Variants in MAGI1 observed in about 807,000 individuals in gnomAD.
The protein encoded by MAGI1 is membrane-associated guanylate kinase, WW and PDZ domain-containing protein 1.
In MAGI1, 58 loss-of-function variants were observed where a neutral mutation model predicts 139.9. The observed-to-expected ratio is 0.41, with a 90% CI of 0.34 to 0.52. The LOEUF is 0.52. Ranked by LOEUF, MAGI1 falls within the 20% of genes least tolerant of loss-of-function variation. The pLI is 0.12. For missense variants in MAGI1, 1,874 were observed against 1,901.6 expected (o/e 0.99, Z 0.27); for synonymous variants, 812 against 737.9 (o/e 1.10, Z -1.63).
At chr3:65,907,313 G>A (rs2061479642) in intron 1 of MAGI1, among the ~76,000 whole-genome samples, 1 of 152,160 alleles carries the variant, frequency 6.6e-6, no homozygotes, top group Non-Finnish European at 1.5e-5. Context: ...GGGTGGATGA[G>A]ATTATCCTTT....
intron 1 of MAGI1, among the ~76,000 whole-genome samples, chr3:65,772,588 CTG>C: frequency 6.6e-6 from 1 of 152,334 alleles, no homozygotes; most frequent in African/African-American, 2.4e-5. Context: ...AGGCCAGGAG[CTG>C]CCACATGGAG....
intron 2 of MAGI1, chr3:65,597,925 T>TGGGGGGGGAGAGGGGGGGGGGGGGGG: frequency 2.5e-6 from 1 of 394,352 alleles, no homozygotes; most frequent in Non-Finnish European, 5.0e-6. Context: ...GAGGCGGGGG[T>TGGGGGGGGAGAGGGGGGGGGGGGGGG]GGGGGGGGGG....
chr3:65,943,226 T>C (rs1026006692), intron 1 of MAGI1, among the ~76,000 whole-genome samples: 10 of 152,114 alleles, frequency 6.6e-5, no homozygotes, highest in Non-Finnish European at 1.0e-4. Context: ...GGAGAAACAT[T>C]CTTTGAAAAT....
At chr3:65,732,727 T>C (rs1314140884) in intron 1 of MAGI1, among the ~76,000 whole-genome samples, 1 of 152,214 alleles carries the variant, frequency 6.6e-6, no homozygotes, top group Non-Finnish European at 1.5e-5. Flanking sequence ...ACATCACAAT[T>C]AAGCAAAAGT....
At chr3:65,401,372 T>TCCCCCCCCCCCCCCCCCCCCCTCCCCC in intron 13 of MAGI1, 67 bp downstream of exon 13, 2 of 778,312 alleles carry the variant, frequency 2.6e-6, no homozygotes, top group South Asian at 1.5e-5. Context: ...CAGAGTACCC[T>TCCCCCCCCCCCCCCCCCCCCCTCCCCC]CCCACCTCCA....
intron 1 of MAGI1, among the ~76,000 whole-genome samples, chr3:65,822,670 G>A (rs1455607498): frequency 6.6e-6 from 1 of 152,222 alleles, no homozygotes; most frequent in African/African-American, 2.4e-5. Flanking sequence ...CTTCTGGGGA[G>A]GCCTCAGGAA....
At chr3:65,867,886 TC>T (rs1223458340) in intron 1 of MAGI1, among the ~76,000 whole-genome samples, 4 of 152,150 alleles carry the variant, frequency 2.6e-5, no homozygotes, top group Admixed American at 2.6e-4. Context: ...AGACTCAGGG[TC>T]CAGGAGTCTG....
chr3:65,704,726 G>A (rs1028795018), intron 1 of MAGI1, among the ~76,000 whole-genome samples: 4 of 151,450 alleles, frequency 2.6e-5, no homozygotes, highest in Non-Finnish European at 4.4e-5. Context: ...AGTGCATGAC[G>A]ACATAAAAAT....
At chr3:65,757,541 G>T (rs1013980859) in intron 1 of MAGI1, among the ~76,000 whole-genome samples, 1 of 152,184 alleles carries the variant, frequency 6.6e-6, no homozygotes, top group African/African-American at 2.4e-5. Flanking sequence ...GGGAGGCTAA[G>T]GCAGGAGAAT....
chr3:65,713,757 C>A (rs1035550196), intron 1 of MAGI1, among the ~76,000 whole-genome samples: 1 of 152,114 alleles, frequency 6.6e-6, no homozygotes, highest in East Asian at 1.9e-4. Flanking sequence ...GTAGTTTTGT[C>A]AAACACTGAG....
intron 1 of MAGI1, among the ~76,000 whole-genome samples, chr3:65,909,747 C>T (rs940704354): frequency 2.4e-4 from 36 of 152,122 alleles, no homozygotes; most frequent in African/African-American, 7.7e-4. Context: ...AGCTGCTGCC[C>T]GCTTTATTTC....
chr3:65,959,629 T>A (rs1394048607), intron 1 of MAGI1, among the ~76,000 whole-genome samples: 1 of 144,534 alleles, frequency 6.9e-6, no homozygotes, highest in Non-Finnish European at 1.5e-5. Flanking sequence ...ATTATTATTA[T>A]TATTATTATT....
At chr3:65,869,550 G>A (rs942907242) in intron 1 of MAGI1, among the ~76,000 whole-genome samples, 2 of 151,304 alleles carry the variant, frequency 1.3e-5, no homozygotes, top group Non-Finnish European at 1.5e-5. Flanking sequence ...ACAGGCACCC[G>A]CCACCACACC....
intron 14 of MAGI1, chr3:65,387,184 C>G (rs767062949): frequency 6.2e-7 from 1 of 1,614,158 alleles, no homozygotes. Flanking sequence ...TTCTCTCTCT[C>G]TCTCACCCTT....
chr3:65,846,110 G>C (rs9845839), intron 1 of MAGI1, among the ~76,000 whole-genome samples: 1 of 151,960 alleles, frequency 6.6e-6, no homozygotes, highest in Non-Finnish European at 1.5e-5. Flanking sequence ...GACTTTGTGC[G>C]TGGGTAGACA....
chr3:65,541,539 G>A (rs1303450837), intron 2 of MAGI1, among the ~76,000 whole-genome samples: 2 of 152,116 alleles, frequency 1.3e-5, no homozygotes, highest in South Asian at 4.1e-4. Flanking sequence ...CTGGCAAACC[G>A]AATCCAGCAG....
chr3:65,749,767 A>C (rs2035993677), intron 1 of MAGI1, among the ~76,000 whole-genome samples: 1 of 151,686 alleles, frequency 6.6e-6, no homozygotes, highest in Non-Finnish European at 1.5e-5. Context: ...AATGAGGTTG[A>C]GGGTTATAGC....
intron 1 of MAGI1, among the ~76,000 whole-genome samples, chr3:65,931,006 G>A (rs961816483): frequency 2.0e-5 from 3 of 151,638 alleles, no homozygotes; most frequent in Non-Finnish European, 4.4e-5. Flanking sequence ...CTCTGCCTAC[G>A]AAGTAGCTAT....
chr3:65,439,613 C>A (rs942234260), intron 9 of MAGI1, among the ~76,000 whole-genome samples: 3 of 152,136 alleles, frequency 2.0e-5, no homozygotes, highest in Admixed American at 1.3e-4. Flanking sequence ...GAAATTTCCT[C>A]CCCCATCAGA....
Sources: gnomAD v4.1 joint callset for allele counts (sites outside exome capture counted in the v4.1 genomes callset) on GRCh38, gnomAD v4.1.1 for gene constraint, MANE v1.5 for transcripts, NCBI Gene and HGNC (gene_info 2026-07-23, HGNC 2026-07-21) for gene names.